MTMR9: variants seen among roughly 807,000 people sequenced by gnomAD.
MTMR9 encodes myotubularin-related protein 9.
Under a neutral mutation model 69.5 loss-of-function variants are expected in MTMR9, and 39 were observed. That is an observed-to-expected ratio of 0.56 (90% confidence interval 0.43 to 0.73). The LOEUF is 0.73. Ranked by LOEUF, MTMR9 falls within the 30% of genes least tolerant of loss-of-function variation. MTMR9 has a pLI of 0.00. For missense variants in MTMR9, 900 were observed against 671.2 expected (o/e 1.34, Z -3.77); for synonymous variants, 354 against 240.8 (o/e 1.47, Z -4.35).
intron 3 of MTMR9, 151 bp downstream of exon 3, chr8:11,300,299 A>G: frequency 1.3e-6 from 1 of 783,154 alleles, no homozygotes; most frequent in East Asian, 2.9e-5. Context: ...GAAGCCATGC[A>G]GAGTATGATC....
At chr8:11,332,295 A>G (rs1338588978), downstream of MTMR9, 14 of 1,121,734 alleles carry the variant, frequency 1.2e-5, no homozygotes, top group African/African-American at 1.6e-4. Context: ...TAATAAAAAT[A>G]TCACAAAGCA....
chr8:11,316,974 CG>C, intron 8 of MTMR9, 81 bp downstream of exon 8: 1 of 849,644 alleles, frequency 1.2e-6, no homozygotes. Context: ...TCCTAGGAGA[CG>C]ACGATTTGGA....
Position 11,319,822 on chromosome 8 carries a change from TCTTCCACTGTG to T in MTMR9, c.1471_1481del (p.Leu491GlyfsTer9). On this transcript the variant is annotated frameshift_variant, in exon 9 of 10. Coordinates refer to ENST00000221086, the MANE Select transcript of MTMR9 (RefSeq NM_015458.4). LOFTEE classifies it high-confidence loss of function. ...TCTGGCCTTCAGTTGCTCCGCAGAG[TCTTCCACTGTG>T]GGAAGGTAAACCACGCATCCTTTGC... 2 of 1,614,086 alleles carry T rather than the reference TCTTCCACTGTG, an allele frequency of 1.2e-6. No homozygotes were observed. Among genetic ancestry groups the T allele is most frequent in the Non-Finnish European group, 1.7e-6 (2 of 1,179,994 alleles).
At chr8:11,294,087 A>C (rs925104769) in intron 1 of MTMR9, among the ~76,000 whole-genome samples, 3 of 152,176 alleles carry the variant, frequency 2.0e-5, no homozygotes, top group Non-Finnish European at 4.4e-5. Flanking sequence ...GTCTGCTGTG[A>C]TTTTGTTTGG....
chr8:11,286,695 T>C (rs1799172804), intron 1 of MTMR9, among the ~76,000 whole-genome samples: 2 of 147,014 alleles, frequency 1.4e-5, no homozygotes, highest in Admixed American at 1.3e-4. Flanking sequence ...AAAAAAAGTC[T>C]TCAGTGGTCT....
chr8:11,286,730 G>A (rs1011421310), intron 1 of MTMR9, among the ~76,000 whole-genome samples: 2 of 147,732 alleles, frequency 1.4e-5, no homozygotes, highest in African/African-American at 2.5e-5. Flanking sequence ...AAACCCCTCA[G>A]TCATTCATGG....
intron 2 of MTMR9, chr8:11,298,687 AT>A (rs767590148): frequency 8.2e-6 from 7 of 849,448 alleles, no homozygotes; most frequent in African/African-American, 7.5e-5. Context: ...AGTTTGAATT[AT>A]GCTAATTGAT....
intron 3 of MTMR9, among the ~76,000 whole-genome samples, chr8:11,304,374 C>T (rs992879992): frequency 4.6e-5 from 7 of 152,100 alleles, no homozygotes; most frequent in Non-Finnish European, 8.8e-5. Context: ...TTAAGAGGAT[C>T]ATTAACAAAC....
intron 1 of MTMR9, among the ~76,000 whole-genome samples, chr8:11,287,418 A>G (rs1799202380): frequency 1.3e-5 from 2 of 152,140 alleles, no homozygotes; most frequent in African/African-American, 4.8e-5. Flanking sequence ...TGAATCTGTT[A>G]GGAGAGAATG....
At chr8:11,290,307 G>T (rs928318931) in intron 1 of MTMR9, among the ~76,000 whole-genome samples, 1 of 151,656 alleles carries the variant, frequency 6.6e-6, no homozygotes, top group African/African-American at 2.4e-5. Context: ...TAAACATTGG[G>T]TTTATTGTCC....
chr8:11,285,171 C>G (rs1799102471), intron 1 of MTMR9, 101 bp downstream of exon 1: 1 of 1,238,686 alleles, frequency 8.1e-7, no homozygotes, highest in East Asian at 2.6e-5. Context: ...TGCCGCCCAG[C>G]TAGCCGGCAA....
At chr8:11,320,317 C>T (rs1800620087) in intron 9 of MTMR9, 1 of 152,656 alleles carries the variant, frequency 6.6e-6, no homozygotes, top group Admixed American at 6.5e-5. Context: ...TTTCATTGTT[C>T]TTATGGGACT....
downstream of MTMR9, chr8:11,331,657 C>T (rs773511771): frequency 6.2e-7 from 1 of 1,611,486 alleles, no homozygotes; most frequent in South Asian, 1.1e-5. Flanking sequence ...CAGGAGGGGA[C>T]CACAGGTGTC....
intron 1 of MTMR9, among the ~76,000 whole-genome samples, chr8:11,291,827 T>C (rs1028030728): frequency 1.3e-5 from 2 of 152,168 alleles, no homozygotes; most frequent in African/African-American, 2.4e-5. Context: ...ACTGACAGTT[T>C]GGTTGCTGTG....
intron 4 of MTMR9, among the ~76,000 whole-genome samples, chr8:11,305,777 C>G (rs981980973): frequency 1.3e-5 from 2 of 152,210 alleles, no homozygotes; most frequent in African/African-American, 4.8e-5. Flanking sequence ...AATTTTGCCA[C>G]TGGTGCCTTT....
chr8:11,316,646 A>T, intron 7 of MTMR9, 27 bp from the exon 8 acceptor site: 1 of 1,508,086 alleles, frequency 6.6e-7, no homozygotes, highest in Non-Finnish European at 9.0e-7. Flanking sequence ...CCAGGATATG[A>T]CTGTCACGCC....
chr8:11,287,102 G>A (rs955821444), intron 1 of MTMR9, among the ~76,000 whole-genome samples: 2 of 152,126 alleles, frequency 1.3e-5, no homozygotes, highest in Non-Finnish European at 2.9e-5. Context: ...CATTTCGACC[G>A]CTACCTCCTT....
At chr8:11,297,808 A>G (rs1237202171) in intron 2 of MTMR9, 2 of 454,704 alleles carry the variant, frequency 4.4e-6, no homozygotes, top group East Asian at 7.0e-5. Context: ...TTATGAGCTC[A>G]TTTGACCTCA....
intron 8 of MTMR9, 76 bp downstream of exon 8, chr8:11,316,969 G>A: frequency 1.1e-6 from 1 of 917,406 alleles, no homozygotes; most frequent in East Asian, 2.5e-5. Flanking sequence ...GAATCTCCTA[G>A]GAGACGACGA....
Sources: allele counts gnomAD v4.1 joint callset (sites outside exome capture counted in the v4.1 genomes callset), GRCh38; gene constraint gnomAD v4.1.1; transcripts MANE v1.5; gene names NCBI Gene and HGNC (gene_info 2026-07-23, HGNC 2026-07-21).